APBA1: variants seen among roughly 807,000 people sequenced by gnomAD.
APBA1 encodes the protein amyloid beta precursor protein binding family A member 1.
APBA1 carries 55 observed loss-of-function variants against 86.6 expected under a neutral mutation model. The ratio of observed to expected loss-of-function variants is 0.64; its 90% CI spans 0.51 to 0.80. The LOEUF is 0.80. Ranked by LOEUF, APBA1 falls within the 30% of genes least tolerant of loss-of-function variation. The pLI, the probability that APBA1 is intolerant of heterozygous loss-of-function variation, is 0.00. For synonymous variants in APBA1, 511 were observed against 493.9 expected, an observed-to-expected ratio of 1.03 and a Z score of -0.46; for missense variants, 1,090 against 1,183.0, an observed-to-expected ratio of 0.92 and a Z score of 1.15.
intron 1 of APBA1, among the ~76,000 whole-genome samples, chr9:69,543,180 C>A (rs1380172344): frequency 6.6e-6 from 1 of 152,138 alleles, no homozygotes; most frequent in Non-Finnish European, 1.5e-5. Context: ...GGGGCCGTGG[C>A]CCCTAATTGG....
chr9:69,436,186 G>A (rs1302702556), intron 11 of APBA1, among the ~76,000 whole-genome samples: 1 of 149,940 alleles, frequency 6.7e-6, no homozygotes, highest in African/African-American at 2.5e-5. Context: ...CTATAGCCTT[G>A]TAGTATAGTT....
chr9:69,492,238 TG>T (rs1030954371), intron 2 of APBA1, among the ~76,000 whole-genome samples: 46 of 152,112 alleles, frequency 3.0e-4, no homozygotes, highest in African/African-American at 1.1e-3. Context: ...TCCTGAGAAA[TG>T]GGGAAACAGC....
chr9:69,621,263 A>C (rs1822812946), intron 1 of APBA1, among the ~76,000 whole-genome samples: 1 of 152,216 alleles, frequency 6.6e-6, no homozygotes, highest in Non-Finnish European at 1.5e-5. Flanking sequence ...CTCCACAGGT[A>C]TCACTTCATG....
chr9:69,523,922 C>G (rs1275586271), intron 1 of APBA1, among the ~76,000 whole-genome samples: 1 of 151,886 alleles, frequency 6.6e-6, no homozygotes, highest in African/African-American at 2.4e-5. Flanking sequence ...GAAATCAATA[C>G]CAAGAAGATC....
chr9:69,661,339 G>A (rs922630602), intron 1 of APBA1, among the ~76,000 whole-genome samples: 2 of 152,174 alleles, frequency 1.3e-5, no homozygotes, highest in African/African-American at 4.8e-5. Flanking sequence ...GATGAAGGAA[G>A]TGAGACATCT....
At chr9:69,556,160 C>A (rs956445485) in intron 1 of APBA1, among the ~76,000 whole-genome samples, 3 of 152,136 alleles carry the variant, frequency 2.0e-5, no homozygotes, top group African/African-American at 7.2e-5. Context: ...TAAAGCACAG[C>A]AATGATATAA....
intron 1 of APBA1, among the ~76,000 whole-genome samples, chr9:69,639,140 A>G (rs1588407022): frequency 6.6e-6 from 1 of 152,324 alleles, no homozygotes; most frequent in Non-Finnish European, 1.5e-5. Flanking sequence ...TACAGTTAAA[A>G]GACATTTTTT....
chr9:69,585,064 G>C (rs1377047203), intron 1 of APBA1, among the ~76,000 whole-genome samples: 4 of 152,180 alleles, frequency 2.6e-5, no homozygotes, highest in African/African-American at 9.7e-5. Context: ...TCTATTATGT[G>C]ACAGACACTG....
In APBA1 at chr9:69,530,329, TACACACAC is replaced by T. The variant is rs1215038586; in HGVS notation, c.-69-13058_-69-13051del. Among the ~76,000 whole-genome samples, 926 of 127,504 alleles carry T rather than the reference TACACACAC, an allele frequency of 7.3e-3. 11 individuals are homozygous for T. The highest frequency in any genetic ancestry group is 0.022 in the African/African-American group (753 of 34,194). The allele number at this position is 127,504 out of a possible 152,430, so 83.6% of individuals were successfully genotyped here. On this transcript the variant is annotated intron_variant, in intron 1 of 12. Coordinates refer to ENST00000265381, the MANE Select transcript of APBA1 (RefSeq NM_001163.4). ...GTGTATATATATATATATATATATA[TACACACAC>T]ACACACACACACACACACACATGCA...
chr9:69,610,350 C>T (rs1822562162), intron 1 of APBA1, among the ~76,000 whole-genome samples: 2 of 151,970 alleles, frequency 1.3e-5, no homozygotes, highest in Non-Finnish European at 2.9e-5. Context: ...ACATTGTATC[C>T]TTCTTGGGAC....
Position 69,516,915 on chromosome 9 carries a change from G to T in APBA1, c.296C>A (p.Ala99Glu). ...CTCCGCATCGTAGCCGTCGCGGGCC[G>T]CGGCGATCACGTCGCCCTCGGCGGT... ...TDTAEGDVIA[A>E]ARDGYDAERA... Residue 99 changes from alanine to glutamate, a missense_variant, in exon 2 of 13, where the codon GCG (alanine) becomes GAG (glutamate). Coordinates refer to ENST00000265381, the MANE Select transcript of APBA1 (RefSeq NM_001163.4). The surrounding 1 kb of genome is among the most constrained non-coding windows in gnomAD (Gnocchi z 7.3). 6.3e-7 allele frequency: 1 copy of T among 1,594,526 alleles called. No individual in the cohort carries two copies. The highest frequency in any genetic ancestry group is 8.5e-7 in the Non-Finnish European group (1 of 1,177,084).
chr9:69,614,182 C>G (rs897444095), intron 1 of APBA1, among the ~76,000 whole-genome samples: 2 of 152,144 alleles, frequency 1.3e-5, no homozygotes, highest in African/African-American at 4.8e-5. Context: ...ACCTGTGACC[C>G]TGCTTTTATC....
At chr9:69,550,077 A>T (rs987287721) in intron 1 of APBA1, among the ~76,000 whole-genome samples, 2 of 152,244 alleles carry the variant, frequency 1.3e-5, no homozygotes, top group Non-Finnish European at 2.9e-5. Flanking sequence ...TCTAAATTAG[A>T]TGAGATATGT....
At chr9:69,623,458 T>C (rs768343405) in intron 1 of APBA1, among the ~76,000 whole-genome samples, 20 of 152,064 alleles carry the variant, frequency 1.3e-4, no homozygotes, top group Non-Finnish European at 2.2e-4. Context: ...GAGGGTTTGA[T>C]AGAAGACAGC....
Position 69,458,182 on chromosome 9 carries a change from G to A in APBA1, c.1489C>T (p.Gln497Ter), listed in dbSNP as rs1404412890. ...TTCTTCCTGCTTTTGGCTAATTTCT[G>A]GGCCATCTGCTTAGCATGGAACAAA... Reference protein sequence around the residue: ...QEAVSRIKMAQKLAKSRKKAP... With the variant: ...QEAVSRIKMA The change falls in exon 6 of 13, where the codon CAG becomes TAG. Residue 497 changes from glutamine to a stop codon, truncating the protein, a stop_gained. Transcript: ENST00000265381. LOFTEE classifies it high-confidence loss of function. The A allele has an allele frequency of 1.2e-6, 2 of 1,612,018 alleles. No homozygotes were observed. The highest frequency in any genetic ancestry group is 1.1e-5 in the South Asian group (1 of 90,574).
chr9:69,524,538 T>C (rs1836312593), intron 1 of APBA1, among the ~76,000 whole-genome samples: 1 of 151,596 alleles, frequency 6.6e-6, no homozygotes, highest in African/African-American at 2.4e-5. Context: ...CAGAAAGAAA[T>C]TGAAACCTTG....
At chr9:69,644,990 A>G (rs1823361831) in intron 1 of APBA1, among the ~76,000 whole-genome samples, 1 of 152,104 alleles carries the variant, frequency 6.6e-6, no homozygotes, top group Non-Finnish European at 1.5e-5. Flanking sequence ...TAGAATTTGG[A>G]AAGTGAGTAG....
intron 1 of APBA1, among the ~76,000 whole-genome samples, chr9:69,523,495 A>ATATATATG (rs1333051495): frequency 1.3e-4 from 2 of 14,834 alleles, no homozygotes; most frequent in African/African-American, 3.1e-4. Context: ...ATATATATAT[A>ATATATATG]TGTATATATA....
chr9:69,521,192 T>C (rs1182838817), intron 1 of APBA1, among the ~76,000 whole-genome samples: 3 of 152,186 alleles, frequency 2.0e-5, no homozygotes, highest in Non-Finnish European at 4.4e-5. Context: ...TGACATTTGA[T>C]CTTTGCACTC....
Sources: allele counts gnomAD v4.1 joint callset (sites outside exome capture counted in the v4.1 genomes callset), GRCh38; gene constraint gnomAD v4.1.1; non-coding constraint Gnocchi (gnomAD v3.1); transcripts MANE v1.5; gene names NCBI Gene and HGNC (gene_info 2026-07-23, HGNC 2026-07-21).